PTP4A3: variants seen among roughly 807,000 people sequenced by gnomAD.
The protein encoded by PTP4A3 is protein tyrosine phosphatase 4A3.
A neutral mutation model predicts 15.2 loss-of-function variants in PTP4A3; 9 were observed. That is an observed-to-expected ratio of 0.59 (90% CI 0.36 to 1.03). The LOEUF (loss-of-function observed/expected upper bound fraction) is 1.03. Among genes scored for constraint, PTP4A3 ranks in the 50% least tolerant of loss-of-function variants. The pLI is 0.02. For missense variants in PTP4A3, 234 were observed against 252.1 expected (o/e 0.93, Z 0.49); for synonymous variants, 95 against 102.0 (o/e 0.93, Z 0.41).
intron 1 of PTP4A3, among the ~76,000 whole-genome samples, chr8:141,416,932 A>G (rs1833076052): frequency 6.6e-6 from 1 of 152,078 alleles, no homozygotes; most frequent in South Asian, 2.1e-4. Context: ...GAGAGCTGCA[A>G]GCAGGGCCAC....
chr8:141,405,635 TG>T (rs1259467384), intron 1 of PTP4A3, among the ~76,000 whole-genome samples: 1 of 152,166 alleles, frequency 6.6e-6, no homozygotes, highest in African/African-American at 2.4e-5. Flanking sequence ...CTGTGTACGG[TG>T]CCCATTGAGA....
At position 141,425,266 on chromosome 8, in the gene PTP4A3, G is replaced by A. The variant is rs1833516023; in HGVS notation, c.198+126G>A. ...GCAGCCCTGGGCATGTCTGTGCCTG[G>A]GCCACGTGTGTGTCTGGGTACATCA... is the stretch of plus-strand genomic sequence containing the variant. On this transcript the variant is annotated intron_variant, in intron 3 of 5. Transcript: ENST00000521578. This position sits in a 1 kb window ranked among gnomAD's most constrained non-coding sequence, Gnocchi z 4.2. 2.1e-6 allele frequency: 2 copies of A among 941,296 alleles called. No homozygotes were observed. The highest frequency in any genetic ancestry group is 1.6e-5 in the African/African-American group (1 of 61,480). The allele number at this position is 941,296 out of a possible 1,614,324, so 58.3% of individuals were successfully genotyped here. A position where few individuals can be genotyped will look rare whatever the true frequency, so the allele number is the denominator to read the frequency against.
At chr8:141,411,423 A>T (rs988173017) in intron 1 of PTP4A3, among the ~76,000 whole-genome samples, 2 of 152,132 alleles carry the variant, frequency 1.3e-5, no homozygotes, top group African/African-American at 2.4e-5. Context: ...CCCCTCCACC[A>T]TGTGTCCTGG....
At chr8:141,423,286 C>T (rs577559785) in intron 2 of PTP4A3, among the ~76,000 whole-genome samples, 29 of 152,346 alleles carry the variant, frequency 1.9e-4, no homozygotes, top group African/African-American at 6.7e-4. Flanking sequence ...GGCTGTCCCT[C>T]TCGCAGCTGA....
chr8:141,407,621 C>CAG (rs1222616316), intron 1 of PTP4A3, among the ~76,000 whole-genome samples: 1 of 147,472 alleles, frequency 6.8e-6, no homozygotes, highest in African/African-American at 2.6e-5. Flanking sequence ...GGCTGGAGTG[C>CAG]AGTGGTGGGA....
chr8:141,403,828 C>T (rs1406643907), intron 1 of PTP4A3, among the ~76,000 whole-genome samples: 2 of 152,282 alleles, frequency 1.3e-5, no homozygotes, highest in African/African-American at 4.8e-5. Flanking sequence ...CAAACGATCA[C>T]AAACGTGGCG....
chr8:141,431,607 G>T lies in PTP4A3; in HGVS notation c.*563G>T, dbSNP rs1055157382. On this transcript the variant is annotated 3_prime_UTR_variant, in exon 6 of 6. Coordinates refer to ENST00000521578, the MANE Select transcript of PTP4A3 (RefSeq NM_032611.3). ...GAGGCTGCTGTCTGGATCCTGGGCTGGTGCCCAGGATGGGGCTCCCGCGTG... is the reference window on the plus strand; with the variant it reads ...GAGGCTGCTGTCTGGATCCTGGGCTTGTGCCCAGGATGGGGCTCCCGCGTG... The T allele has an allele frequency of 6.5e-6, 1 of 153,022 alleles. No homozygotes were observed. Among genetic ancestry groups the T allele is most frequent in the South Asian group, 2.1e-4 (1 of 4,860 alleles). The allele number at this position is 153,022 out of a possible 1,614,324, so 9.5% of individuals were successfully genotyped here. A position where few individuals can be genotyped will look rare whatever the true frequency, so the allele number is the denominator to read the frequency against.
intron 1 of PTP4A3, among the ~76,000 whole-genome samples, chr8:141,419,317 C>T (rs923406181): frequency 6.6e-6 from 1 of 152,204 alleles, no homozygotes; most frequent in Non-Finnish European, 1.5e-5. Flanking sequence ...AGGCCCAATA[C>T]TGTGGTTTCT....
intron 1 of PTP4A3, among the ~76,000 whole-genome samples, chr8:141,420,637 G>T (rs535692078): frequency 9.2e-5 from 14 of 152,354 alleles, no homozygotes; most frequent in African/African-American, 3.4e-4. Flanking sequence ...GCCCATTGGC[G>T]TGTTCTGTCC....
chr8:141,413,408 A>C (rs1277173632), intron 1 of PTP4A3, among the ~76,000 whole-genome samples: 1 of 152,192 alleles, frequency 6.6e-6, no homozygotes, highest in East Asian at 1.9e-4. Context: ...AGGCAGCAGG[A>C]CCGTGGGCAT....
chr8:141,418,008 C>T (rs1475237084), intron 1 of PTP4A3, among the ~76,000 whole-genome samples: 1 of 151,994 alleles, frequency 6.6e-6, no homozygotes, highest in East Asian at 1.9e-4. Flanking sequence ...GGTGGGACGC[C>T]TGCGGCGCGG....
rs1832728977 is a variant in PTP4A3 at position 141,406,523 on chromosome 8, C to T, written c.-854+14439C>T. On this transcript the variant is annotated intron_variant, in intron 1 of 5. Transcript: ENST00000521578. The surrounding 1 kb of genome is among the most constrained non-coding windows in gnomAD (Gnocchi z 4.5). ...CCTCTGGCCCTTGCTCAAGCCGCGC[C>T]CCCATCTGGATGCCCACTTCTTCCA... is the stretch of plus-strand genomic sequence containing the variant. Among the ~76,000 whole-genome samples, 1 of 152,164 alleles carries T rather than the reference C, an allele frequency of 6.6e-6. No homozygotes were observed. The highest frequency in any genetic ancestry group is 2.4e-5 in the African/African-American group (1 of 41,440).
In PTP4A3 at chr8:141,425,026, T is replaced by G; in HGVS notation, c.106-22T>G. The G allele has an allele frequency of 1.9e-6, 3 of 1,596,798 alleles. No homozygotes were observed. Among genetic ancestry groups the G allele is most frequent in the Non-Finnish European group, 2.6e-6 (3 of 1,166,132 alleles). On this transcript the variant is annotated intron_variant, in intron 2 of 5. Coordinates refer to ENST00000521578, the MANE Select transcript of PTP4A3 (RefSeq NM_032611.3). The surrounding 1 kb of genome is among the most constrained non-coding windows in gnomAD (Gnocchi z 4.2). ...CCTGCAGCCCCAGCCCAGCCCTGCC[T>G]CCTCCGTCCTCCCACCCCCAGGACC...
chr8:141,413,543 C>G (rs1317605143), intron 1 of PTP4A3, among the ~76,000 whole-genome samples: 1 of 152,224 alleles, frequency 6.6e-6, no homozygotes, highest in East Asian at 1.9e-4. Context: ...ACGGAAGCTG[C>G]TGCTGGCAGG....
Position 141,431,126 on chromosome 8 carries a change from C to G in PTP4A3, c.*82C>G. On this transcript the variant is annotated 3_prime_UTR_variant, in exon 6 of 6. Transcript: ENST00000521578. ...GAGGCCCTGCCCAGCCCTGCTCTGC[C>G]CAGCCCAGCAGGGGCTCCAGGCCTT... 7.2e-7 allele frequency: 1 copy of G among 1,379,504 alleles called. No homozygotes were observed. Among genetic ancestry groups the G allele is most frequent in the South Asian group, 1.2e-5 (1 of 85,078 alleles). 85.5% of individuals were successfully genotyped at this position (1,379,504 alleles called of 1,614,324 possible). A position where few individuals can be genotyped will look rare whatever the true frequency, so the allele number is the denominator to read the frequency against.
At chr8:141,403,683 A>C (rs1266038145) in intron 1 of PTP4A3, among the ~76,000 whole-genome samples, 1 of 152,224 alleles carries the variant, frequency 6.6e-6, no homozygotes, top group Non-Finnish European at 1.5e-5. Context: ...AGCTACACAT[A>C]CATGTAAGAA....
intron 3 of PTP4A3, 110 bp from the exon 4 acceptor site, chr8:141,426,829 G>C (rs1276818212): frequency 1.4e-6 from 2 of 1,478,154 alleles, no homozygotes; most frequent in East Asian, 2.3e-5. Context: ...CCACCCTAGT[G>C]GGCTCCTGGC....
chr8:141,400,646 C>T (rs1006762024), intron 1 of PTP4A3, among the ~76,000 whole-genome samples: 2 of 152,196 alleles, frequency 1.3e-5, no homozygotes, highest in Non-Finnish European at 2.9e-5. Flanking sequence ...TTTCTTGGCC[C>T]GCTGGCAGAA....
intron 1 of PTP4A3, 182 bp downstream of exon 1, chr8:141,392,266 C>G (rs2129732775): frequency 1.3e-5 from 2 of 152,018 alleles, no homozygotes; most frequent in African/African-American, 4.8e-5. Flanking sequence ...GCGGCCGATC[C>G]GGCGGGAACG....
Sources: gnomAD v4.1 joint callset for allele counts (sites outside exome capture counted in the v4.1 genomes callset) on GRCh38, gnomAD v4.1.1 for gene constraint, Gnocchi (gnomAD v3.1) non-coding constraint, MANE v1.5 for transcripts, NCBI Gene and HGNC (gene_info 2026-07-23, HGNC 2026-07-21) for gene names.